The following SEMA3A variants were observed in gnomAD, a reference collection of about 807,000 sequenced individuals.
SEMA3A encodes the protein semaphorin 3A.
A neutral mutation model predicts 97.9 loss-of-function variants in SEMA3A; 29 were observed. That is an observed-to-expected ratio of 0.30 (90% CI 0.22 to 0.40). The LOEUF (loss-of-function observed/expected upper bound fraction) is 0.40, where lower values mean the gene tolerates loss of function less well. Ranked by LOEUF, SEMA3A falls within the 10% of genes least tolerant of loss-of-function variation. The pLI is 1.00. For synonymous variants in SEMA3A, 321 were observed against 323.7 expected, an observed-to-expected ratio of 0.99 and a Z score of 0.09; for missense variants, 763 against 951.3, an observed-to-expected ratio of 0.80 and a Z score of 2.60.
chr7:84,203,500 G>GTATATATATATATATATA (rs1554345503), intron 3 of SEMA3A, among the ~76,000 whole-genome samples: 18 of 74,640 alleles, frequency 2.4e-4, no homozygotes, highest in African/African-American at 5.6e-4. Flanking sequence ...CTTTGTGTGT[G>GTATATATATATATATATA]TGTATATATA....
chr7:84,062,832 G>C (rs971770801), intron 4 of SEMA3A, among the ~76,000 whole-genome samples: 6 of 144,464 alleles, frequency 4.2e-5, no homozygotes, highest in East Asian at 2.1e-4. Flanking sequence ...AGGCCGCAGC[G>C]AGGCGGGGGG....
At chr7:84,020,035 CTTTTTTTTT>C (rs781108685) in intron 6 of SEMA3A, among the ~76,000 whole-genome samples, 8 of 58,248 alleles carry the variant, frequency 1.4e-4, no homozygotes, top group African/African-American at 3.4e-4. Flanking sequence ...TTTTTTCTTT[CTTTTTTTTT>C]TTTTTTTTTT....
intron 2 of SEMA3A, among the ~76,000 whole-genome samples, chr7:84,321,872 GAAAA>G (rs1156548285): frequency 5.0e-4 from 6 of 12,076 alleles, no homozygotes; most frequent in Admixed American, 1.2e-3. Flanking sequence ...CGAGACTACG[GAAAA>G]AAAAAAAAAA....
intron 5 of SEMA3A, among the ~76,000 whole-genome samples, chr7:84,052,458 G>C (rs1353415198): frequency 1.3e-5 from 2 of 152,098 alleles, no homozygotes; most frequent in African/African-American, 4.8e-5. Context: ...ATGTGTCGAG[G>C]AATTTATCCA....
At chr7:84,038,485 C>T (rs1257860684) in intron 6 of SEMA3A, among the ~76,000 whole-genome samples, 2 of 151,888 alleles carry the variant, frequency 1.3e-5, no homozygotes. Flanking sequence ...CTCGTAACAA[C>T]CAAATGAGAG....
intron 1 of SEMA3A, among the ~76,000 whole-genome samples, chr7:84,182,689 C>A (rs537814502): frequency 5.3e-5 from 8 of 152,206 alleles, no homozygotes; most frequent in Non-Finnish European, 1.0e-4. Context: ...ATGCTTAACA[C>A]ACTTAAAACT....
chr7:84,307,178 G>T (rs1447717981), intron 3 of SEMA3A: 1 of 152,006 alleles, frequency 6.6e-6, no homozygotes, highest in African/African-American at 2.4e-5. Context: ...TTATTAACAT[G>T]CCAATGTGTA....
chr7:84,123,572 C>G (rs529057884), intron 3 of SEMA3A, among the ~76,000 whole-genome samples: 189 of 151,154 alleles, frequency 1.3e-3, no homozygotes, highest in Non-Finnish European at 2.5e-3. Context: ...AGATGAATAT[C>G]AGAAATGTCA....
chr7:84,476,015 G>T lies in SEMA3A; in HGVS notation c.-246+16445C>A, dbSNP rs17159070. The stretch of plus-strand genomic sequence containing the variant: ...ATGATAGTTTTCAATTTCCATAAAA[G>T]TTTTATATTTCCTTAGAACTTAGAG... On this transcript the variant is annotated intron_variant, in intron 1 of 3. Coordinates refer to the SEMA3A transcript ENST00000424555. Among the ~76,000 whole-genome samples, 2,028 of 152,152 alleles carry T rather than the reference G, an allele frequency of 0.013. 93 individuals carry two copies. The East Asian group carries it at 0.16, about 12-fold the overall frequency.
rs17301531 is a variant in SEMA3A, at chr7:84,157,410, T to G, written c.113-22459A>C. On this transcript the variant is annotated intron_variant, in intron 1 of 16. Transcript: ENST00000265362. The stretch of plus-strand genomic sequence containing the variant: ...GAGTTCACAGTCTTTTGAGTACTAA[T>G]TTGAGAATTCACACGCACGGTTTTG... Among the ~76,000 whole-genome samples, 730 of 152,022 alleles carry G rather than the reference T, an allele frequency of 4.8e-3. 5 individuals carry two copies. Among genetic ancestry groups the G allele is most frequent in the Non-Finnish European group, 8.3e-3 (567 of 68,022 alleles).
At chr7:84,373,487 A>C (rs1319748289) in intron 1 of SEMA3A, among the ~76,000 whole-genome samples, 1 of 152,166 alleles carries the variant, frequency 6.6e-6, no homozygotes, top group Admixed American at 6.5e-5. Flanking sequence ...TTCTGAAATA[A>C]TATGAGATCA....
At chr7:84,423,362 C>G (rs1418632806) in intron 1 of SEMA3A, among the ~76,000 whole-genome samples, 1 of 152,038 alleles carries the variant, frequency 6.6e-6, no homozygotes. Flanking sequence ...CTTGCCATTT[C>G]TTAAAAATAC....
chr7:84,300,652 GATA>G (rs1184025457), intron 3 of SEMA3A, among the ~76,000 whole-genome samples: 5 of 151,954 alleles, frequency 3.3e-5, no homozygotes, highest in South Asian at 2.1e-4. Context: ...ATAAAAAGCA[GATA>G]ATAACAAAAT....
intron 6 of SEMA3A, among the ~76,000 whole-genome samples, chr7:84,035,299 T>C (rs1467321216): frequency 6.6e-6 from 1 of 152,062 alleles, no homozygotes; most frequent in Non-Finnish European, 1.5e-5. Context: ...ATTTACATAG[T>C]AAAAACCAAA....
chr7:84,011,235 C>T lies in SEMA3A; in HGVS notation c.873G>A (p.Leu291=). The change falls in exon 8 of 17, where the codon CTG becomes CTA. Residue 291 remains leucine, a synonymous_variant. Coordinates refer to ENST00000265362, the MANE Select transcript of SEMA3A (RefSeq NM_006080.3). ...CATTTGGACCTGGCACTGAGCAAAT[C>T]AGACGAGCTTTGAGGAATGTTGTCC... ...NKWTTFLKAR[L]ICSVPGPNGI... The T allele has an allele frequency of 6.2e-7, 1 of 1,613,976 alleles. No homozygotes were observed.
chr7:84,480,074 A>G (rs1806402669), intron 1 of SEMA3A, among the ~76,000 whole-genome samples: 1 of 152,240 alleles, frequency 6.6e-6, no homozygotes, highest in African/African-American at 2.4e-5. Flanking sequence ...GATTAATTAG[A>G]TAAAGAAGTT....
intron 1 of SEMA3A, among the ~76,000 whole-genome samples, chr7:84,458,405 GA>G (rs1187614198): frequency 1.3e-5 from 2 of 151,762 alleles, no homozygotes; most frequent in Admixed American, 6.6e-5. Flanking sequence ...TTAATTCAGA[GA>G]AAAAAATTAT....
At chr7:84,075,223 G>C (rs1267329579) in intron 4 of SEMA3A, among the ~76,000 whole-genome samples, 1 of 150,752 alleles carries the variant, frequency 6.6e-6, no homozygotes. Context: ...GCCCAGGCTG[G>C]AGTGCAATGG....
intron 4 of SEMA3A, among the ~76,000 whole-genome samples, chr7:84,076,177 T>C (rs1350984727): frequency 6.6e-6 from 1 of 152,202 alleles, no homozygotes; most frequent in Admixed American, 6.5e-5. Context: ...TTATGATAGA[T>C]AGCATATGAA....
Sources: gnomAD v4.1 joint callset for allele counts (sites outside exome capture counted in the v4.1 genomes callset) on GRCh38, gnomAD v4.1.1 for gene constraint, MANE v1.5 for transcripts, NCBI Gene and HGNC (gene_info 2026-07-23, HGNC 2026-07-21) for gene names.